Variants in LNX2 observed in about 807,000 individuals in gnomAD.
LNX2 encodes the protein ligand of Numb protein X 2.
LNX2 carries 35 observed loss-of-function variants against 66.2 expected under a neutral mutation model. That is an observed-to-expected ratio of 0.53 (90% CI 0.40 to 0.70). LNX2 has a LOEUF of 0.70. Ranked by LOEUF, LNX2 falls within the 30% of genes least tolerant of loss-of-function variation. The pLI is 0.00. For synonymous variants in LNX2, 337 were observed against 315.6 expected (o/e 1.07, Z -0.72); for missense variants, 791 against 850.8 (o/e 0.93, Z 0.87).
At chr13:27,606,137 G>T (rs975118856) in intron 1 of LNX2, among the ~76,000 whole-genome samples, 1 of 152,074 alleles carries the variant, frequency 6.6e-6, no homozygotes, top group Non-Finnish European at 1.5e-5. Context: ...GCAAACAGAT[G>T]TGTTAAACAA....
intron 2 of LNX2, among the ~76,000 whole-genome samples, chr13:27,580,138 T>C (rs556835453): frequency 2.0e-4 from 30 of 152,338 alleles, no homozygotes; most frequent in African/African-American, 6.5e-4. Flanking sequence ...GTGTATTTCA[T>C]GTGCACATGA....
intron 8 of LNX2, among the ~76,000 whole-genome samples, chr13:27,551,277 T>TA (rs948680474): frequency 2.0e-5 from 3 of 149,808 alleles, no homozygotes; most frequent in African/African-American, 2.5e-5. Context: ...ACCCCATCTT[T>TA]AAAAAAAAAG....
At chr13:27,562,932 C>T (rs775823917) in intron 4 of LNX2, 151 bp from the exon 5 acceptor site, 114 of 785,834 alleles carry the variant, frequency 1.5e-4, no homozygotes, top group Admixed American at 1.2e-3. Flanking sequence ...CAAAGAAAAC[C>T]ACATTAAAGA....
intron 1 of LNX2, among the ~76,000 whole-genome samples, chr13:27,589,379 C>A (rs1392107889): frequency 1.3e-5 from 2 of 152,190 alleles, no homozygotes; most frequent in African/African-American, 4.8e-5. Context: ...CATACACACA[C>A]AGAGGGAGTT....
At chr13:27,612,885 ATATTT>A (rs1955787098) in intron 1 of LNX2, among the ~76,000 whole-genome samples, 2 of 152,268 alleles carry the variant, frequency 1.3e-5, no homozygotes, top group Non-Finnish European at 1.5e-5. Flanking sequence ...ATTATTTTTA[ATATTT>A]TATTTAACCC....
At chr13:27,583,875 A>G (rs1262535816) in intron 1 of LNX2, among the ~76,000 whole-genome samples, 2 of 152,208 alleles carry the variant, frequency 1.3e-5, no homozygotes, top group Non-Finnish European at 2.9e-5. Context: ...ACATGAAAAG[A>G]ACTGGCATCT....
At chr13:27,573,015 T>C (rs1360848245) in intron 2 of LNX2, among the ~76,000 whole-genome samples, 3 of 152,232 alleles carry the variant, frequency 2.0e-5, no homozygotes, top group South Asian at 2.1e-4. Flanking sequence ...CTGGAAGAAA[T>C]TGTCAGAACC....
intron 2 of LNX2, among the ~76,000 whole-genome samples, chr13:27,570,175 G>A (rs1955261294): frequency 6.6e-6 from 1 of 152,162 alleles, no homozygotes; most frequent in African/African-American, 2.4e-5. Context: ...AAAAAGATTA[G>A]TGAAGGAAAG....
chr13:27,607,518 A>T (rs983037704), intron 1 of LNX2, among the ~76,000 whole-genome samples: 1 of 152,214 alleles, frequency 6.6e-6, no homozygotes, highest in East Asian at 1.9e-4. Context: ...AATTCCACAA[A>T]GAGTGATAGA....
intron 1 of LNX2, among the ~76,000 whole-genome samples, chr13:27,619,830 G>A (rs1384243782): frequency 1.3e-5 from 2 of 152,132 alleles, no homozygotes; most frequent in African/African-American, 2.4e-5. Flanking sequence ...ATTACCCCCT[G>A]GAAGATGTCA....
Position 27,547,204 on chromosome 13 carries a change from C to G in LNX2, c.*1131G>C, listed in dbSNP as rs926065372. ...CATAAATCACAAAAACATTTCTAGC[C>G]AAGATTACTGCTAAGAATAACACAA... On this transcript the variant is annotated 3_prime_UTR_variant, in exon 10 of 10. Coordinates refer to ENST00000316334, the MANE Select transcript of LNX2 (RefSeq NM_153371.4). 1 of 152,100 alleles carries G rather than the reference C, an allele frequency of 6.6e-6. No individual in the cohort carries two copies. Among genetic ancestry groups the G allele is most frequent in the African/African-American group, 2.4e-5 (1 of 41,418 alleles). The allele number at this position is 152,100 out of a possible 1,614,324, so 9.4% of individuals were successfully genotyped here.
chr13:27,610,579 G>T (rs1488702428), intron 1 of LNX2, among the ~76,000 whole-genome samples: 1 of 152,154 alleles, frequency 6.6e-6, no homozygotes, highest in Non-Finnish European at 1.5e-5. Context: ...AACACTTCAT[G>T]ACACTGGATT....
chr13:27,588,021 C>CCAAAAAAAAAAAAA (rs1955509486), intron 1 of LNX2, among the ~76,000 whole-genome samples: 3 of 93,516 alleles, frequency 3.2e-5, no homozygotes, highest in Admixed American at 1.2e-4. Context: ...ACTCTTGTCA[C>CCAAAAAAAAAAAAA]AAAAAAAAAA....
At chr13:27,582,561 T>TAC (rs1048514001) in intron 1 of LNX2, among the ~76,000 whole-genome samples, 17 of 152,356 alleles carry the variant, frequency 1.1e-4, no homozygotes, top group African/African-American at 4.1e-4. Context: ...TGATTGATTT[T>TAC]ACACATTTAC....
At chr13:27,573,836 T>C (rs917261458) in intron 2 of LNX2, among the ~76,000 whole-genome samples, 1 of 151,948 alleles carries the variant, frequency 6.6e-6, no homozygotes, top group African/African-American at 2.4e-5. Context: ...TCTAGTTTTC[T>C]GAGTTGCCAC....
At chr13:27,587,597 CA>C (rs762864639) in intron 1 of LNX2, among the ~76,000 whole-genome samples, 3 of 152,006 alleles carry the variant, frequency 2.0e-5, no homozygotes, top group Admixed American at 6.6e-5. Flanking sequence ...TACAAATGCA[CA>C]AAGAATAAGG....
At position 27,564,367 on chromosome 13, in the gene LNX2, A is replaced by AT. The variant is rs61048432; in HGVS notation, c.856-1587dup. ...ACTATCTCATTTTTGAGCTAAATGT[A>AT]TTTTTTTATCAATCAACAGCTGTAA... is the stretch of plus-strand genomic sequence containing the variant. On this transcript the variant is annotated intron_variant, in intron 4 of 9. Coordinates refer to ENST00000316334, the MANE Select transcript of LNX2 (RefSeq NM_153371.4). 6.5e-4 allele frequency among the ~76,000 whole-genome samples: 95 copies of AT among 146,958 alleles called. 1 individual carries two copies. The highest frequency in any genetic ancestry group is 1.8e-3 in the African/African-American group (73 of 39,586).
chr13:27,606,226 A>C (rs1955714090), intron 1 of LNX2, among the ~76,000 whole-genome samples: 1 of 152,184 alleles, frequency 6.6e-6, no homozygotes, highest in African/African-American at 2.4e-5. Context: ...TGTACCAAAT[A>C]TGTTTTATTT....
intron 1 of LNX2, among the ~76,000 whole-genome samples, chr13:27,616,862 T>C (rs894744237): frequency 1.3e-5 from 2 of 152,198 alleles, no homozygotes; most frequent in South Asian, 4.1e-4. Flanking sequence ...CGATTTCTCC[T>C]GCCTCAGCCT....
Sources: allele counts gnomAD v4.1 joint callset (sites outside exome capture counted in the v4.1 genomes callset), GRCh38; gene constraint gnomAD v4.1.1; transcripts MANE v1.5; gene names NCBI Gene and HGNC (gene_info 2026-07-23, HGNC 2026-07-21).